Variants in GANAB observed in about 807,000 individuals in gnomAD.
The protein encoded by GANAB is glucosidase II alpha subunit.
In GANAB, 35 loss-of-function variants were observed where a neutral mutation model predicts 129.9. The observed-to-expected ratio is 0.27, with a 90% CI of 0.21 to 0.36. GANAB has a LOEUF of 0.36. Among genes scored for constraint, GANAB ranks in the 10% least tolerant of loss-of-function variants. The pLI is 1.00. For missense variants in GANAB, 939 were observed against 1,221.0 expected (o/e 0.77, Z 3.44); for synonymous variants, 482 against 451.8 (o/e 1.07, Z -0.85).
At position 62,631,839 on chromosome 11, in the gene GANAB, A is replaced by T. The variant is rs564547410; in HGVS notation, c.997-656T>A. On this transcript the variant is annotated intron_variant, in intron 9 of 23. Transcript: ENST00000356638. ...GCCATGTTGCCCAGGCTGGTCTCGA[A>T]CTCCTGGCCTCAAGCGATCCTCTTG... is the stretch of plus-strand genomic sequence containing the variant. Among the ~76,000 whole-genome samples the T allele has an allele frequency of 2.0e-5, 3 of 150,166 alleles. No individual in the cohort carries two copies. The East Asian group carries it at 5.9e-4, about 30-fold the overall frequency.
intron 1 of GANAB, among the ~76,000 whole-genome samples, chr11:62,642,434 A>C (rs1288787627): frequency 1.3e-5 from 2 of 150,204 alleles, no homozygotes; most frequent in African/African-American, 4.9e-5. Flanking sequence ...CCTGGGCATC[A>C]GACTTTTTTT....
Position 62,646,573 on chromosome 11 carries a change from C to T in GANAB, c.27G>A (p.Ala9=). 6.2e-7 allele frequency: 1 copy of T among 1,613,710 alleles called. No individual in the cohort carries two copies. Among genetic ancestry groups the T allele is most frequent in the South Asian group, 1.1e-5 (1 of 91,086 alleles). ...TCCGGGCTCCTCACCGCCTCCTACG[C>T]GCCGCCACTGCCGCTACCGCCGCCA... MAAVAAVA[A]RRRRSWASLV... The change falls in exon 1 of 24, where the codon GCG becomes GCA. Residue 9 remains alanine (A), a synonymous_variant. Transcript: ENST00000356638.
intron 4 of GANAB, among the ~76,000 whole-genome samples, chr11:62,638,643 G>GAAGC (rs1157921199): frequency 1.8e-5 from 2 of 110,962 alleles, no homozygotes; most frequent in African/African-American, 3.2e-5. Context: ...AGGAAGGAAG[G>GAAGC]AAGCAAGCAA....
At chr11:62,631,847 C>T (rs900877061) in intron 9 of GANAB, among the ~76,000 whole-genome samples, 1 of 151,872 alleles carries the variant, frequency 6.6e-6, no homozygotes, top group Non-Finnish European at 1.5e-5. Flanking sequence ...GAACTCCTGG[C>T]CTCAAGCGAT....
At chr11:62,630,335 C>T in intron 12 of GANAB, 44 bp downstream of exon 12, 1 of 1,613,644 alleles carries the variant, frequency 6.2e-7, no homozygotes, top group Non-Finnish European at 8.5e-7. Flanking sequence ...CACCATTCTA[C>T]CCCGCTGGCC....
At chr11:62,639,979 T>G in intron 1 of GANAB, 1 of 453,136 alleles carries the variant, frequency 2.2e-6, no homozygotes, top group Non-Finnish European at 4.0e-6. Flanking sequence ...CTCACTCCTG[T>G]AATCCCAGCA....
chr11:62,634,612 C>T (rs954916065), intron 5 of GANAB: 2 of 613,372 alleles, frequency 3.3e-6, no homozygotes, highest in Non-Finnish European at 5.7e-6. Context: ...GGGTACAGCT[C>T]AGGGACAAAA....
At chr11:62,643,872 C>T (rs945983099) in intron 1 of GANAB, among the ~76,000 whole-genome samples, 1 of 152,226 alleles carries the variant, frequency 6.6e-6, no homozygotes, top group Non-Finnish European at 1.5e-5. Flanking sequence ...CTAAAGCCAT[C>T]TTTCCACCTT....
At position 62,629,501 on chromosome 11, in the gene GANAB, A is replaced by G. The variant is rs1056250477; in HGVS notation, c.1834+87T>C. ...GAAACAGATGCAGTGTGTGGCTCCC[A>G]TTCCTCAGAGAGGCAGGTCCAGGTC... On this transcript the variant is annotated intron_variant, in intron 15 of 23. Transcript: ENST00000356638. 1.2e-5 allele frequency: 11 copies of G among 935,084 alleles called. No individual in the cohort carries two copies. In the East Asian group the frequency reaches 1.7e-4, roughly 14 times the overall value. 57.9% of individuals were successfully genotyped at this position (935,084 alleles called of 1,614,324 possible). A position where few individuals can be genotyped will look rare whatever the true frequency, so the allele number is the denominator to read the frequency against.
intron 1 of GANAB, among the ~76,000 whole-genome samples, chr11:62,640,945 A>C (rs1944225565): frequency 6.6e-6 from 1 of 151,512 alleles, no homozygotes; most frequent in African/African-American, 2.4e-5. Flanking sequence ...AGTAACAGCC[A>C]GTCTCAGAGG....
chr11:62,628,774 G>T lies in GANAB; in HGVS notation c.2175C>A (p.Val725=), dbSNP rs565311751. 1 of 1,613,534 alleles carries T rather than the reference G, an allele frequency of 6.2e-7. No homozygotes were observed. The highest frequency in any genetic ancestry group is 8.5e-7 in the Non-Finnish European group (1 of 1,179,556). ...AGCCCAAGTGAATGCCTCACCTCAT[G>T]ACAGGAATGCCTTCCCGATGGGCCT... ...LYQAHREGIP[V]MRPLWVQYPQ... is the part of the protein sequence containing the mutation. The change falls in exon 17 of 24, where the codon GTC becomes GTA. Residue 725 remains valine, a synonymous_variant. Coordinates refer to ENST00000356638, the MANE Select transcript of GANAB (RefSeq NM_198334.3).
rs1300366215 is a variant in GANAB at position 62,625,358 on chromosome 11, A to G, written c.*457T>C. On this transcript the variant is annotated 3_prime_UTR_variant, in exon 24 of 24. Transcript: ENST00000356638. ...AGGGGAGTAAAGCCTGGAGGAAGAA[A>G]TGAAAGGTGGGAGAGCAATCTGGTG... 2.2e-6 allele frequency: 1 copy of G among 449,534 alleles called. No individual in the cohort carries two copies. The allele number at this position is 449,534 out of a possible 1,614,324, so 27.8% of individuals were successfully genotyped here.
At chr11:62,640,230 A>T (rs1405273494) in intron 1 of GANAB, among the ~76,000 whole-genome samples, 2 of 43,928 alleles carry the variant, frequency 4.6e-5, no homozygotes, top group African/African-American at 6.4e-5. Context: ...GAGCTAGACA[A>T]AAAAAAAAAA....
chr11:62,644,606 C>T (rs981429489), intron 1 of GANAB, among the ~76,000 whole-genome samples: 3 of 152,066 alleles, frequency 2.0e-5, no homozygotes, highest in Admixed American at 6.6e-5. Context: ...GGCCACAGCA[C>T]AAGACTCTGT....
At chr11:62,630,055 A>AT (rs1443409264) in intron 13 of GANAB, 98 bp from the exon 14 acceptor site, 4 of 1,416,142 alleles carry the variant, frequency 2.8e-6, no homozygotes, top group African/African-American at 2.8e-5. Context: ...AAAAAGATGC[A>AT]TTTTTCAGGG....
At position 62,633,221 on chromosome 11, in the gene GANAB, C is replaced by T. The variant is rs1565099489; in HGVS notation, c.681G>A (p.Glu227=). The change falls in exon 7 of 24, where the codon GAG becomes GAA. Residue 227 remains glutamate (E), a synonymous_variant. Transcript: ENST00000356638. ...KAEKDEPGAW[E]ETFKTHSDSK... is the part of the protein sequence containing the mutation. ...TGTCAGAGTGAGTTTTGAATGTCTC[C>T]TCCCAGGCTCCTGGCTCATCTTTCT... 6.2e-7 allele frequency: 1 copy of T among 1,614,160 alleles called. No homozygotes were observed. Among genetic ancestry groups the T allele is most frequent in the Non-Finnish European group, 8.5e-7 (1 of 1,180,008 alleles).
rs779044970 is a variant in GANAB at position 62,639,386 on chromosome 11, C to T, written c.225G>A (p.Thr75=). ...DSLQLGPDSL[T]VHLIHEVTKV... ...TGGTGACCTCATGGATCAGATGGAC[C>T]GTGAGGGAATCAGGACCAAGCTGTA... is the stretch of plus-strand genomic sequence containing the variant. The change falls in exon 3 of 24, where the codon ACG becomes ACA. Residue 75 remains threonine, a synonymous_variant. Coordinates refer to ENST00000356638, the MANE Select transcript of GANAB (RefSeq NM_198334.3). The T allele has an allele frequency of 8.1e-6, 13 of 1,612,056 alleles. No individual in the cohort carries two copies. The highest frequency in any genetic ancestry group is 2.7e-5 in the African/African-American group (2 of 74,814).
Position 62,630,626 on chromosome 11 carries a change from T to C in GANAB, c.1361A>G (p.Glu454Gly), listed in dbSNP as rs1380834811. Residue 454 changes from glutamate (E) to glycine (G), a missense_variant, in exon 11 of 24, where the codon GAG (glutamate) becomes GGG (glycine). Physicochemically the swap from Glu to Gly is moderately conservative, Grantham distance 98. Coordinates refer to ENST00000356638, the MANE Select transcript of GANAB (RefSeq NM_198334.3). ...CTTCCGCCTCTTAGAAGCCAAGCGC[T>C]CAAGCATGGTGCGGGGCTGAGGGAA... ...SRFPQPRTML[E>G]RLASKRRKLV... 1.2e-6 allele frequency: 2 copies of C among 1,613,018 alleles called. No homozygotes were observed. Among genetic ancestry groups the C allele is most frequent in the Admixed American group, 1.7e-5 (1 of 60,000 alleles).
intron 6 of GANAB, 35 bp from the exon 7 acceptor site, chr11:62,633,306 T>C (rs772907992): frequency 1.3e-6 from 2 of 1,570,160 alleles, no homozygotes; most frequent in Non-Finnish European, 1.8e-6. Context: ...TCTCCAATCA[T>C]ACCAGTTCTC....
Sources: allele counts gnomAD v4.1 joint callset (sites outside exome capture counted in the v4.1 genomes callset), GRCh38; gene constraint gnomAD v4.1.1; transcripts MANE v1.5; gene names NCBI Gene and HGNC (gene_info 2026-07-23, HGNC 2026-07-21).